Variants in BRINP3 observed in about 807,000 individuals in gnomAD.
BRINP3 encodes the protein BMP/retinoic acid inducible neural specific 3.
In BRINP3, 19 loss-of-function variants were observed where a neutral mutation model predicts 71.0. The ratio of observed to expected loss-of-function variants is 0.27; its 90% confidence interval spans 0.19 to 0.39. The LOEUF (loss-of-function observed/expected upper bound fraction) is 0.39. Ranked by LOEUF, BRINP3 falls within the 10% of genes least tolerant of loss-of-function variation. The pLI is 1.00. For synonymous variants in BRINP3, 380 were observed against 337.7 expected (o/e 1.13, Z -1.37); for missense variants, 959 against 940.8 (o/e 1.02, Z -0.25).
intron 7 of BRINP3, among the ~76,000 whole-genome samples, chr1:190,131,822 T>C (rs916267598): frequency 1.3e-5 from 2 of 152,090 alleles, no homozygotes; most frequent in African/African-American, 4.8e-5. Flanking sequence ...CTAGAAACTC[T>C]AAACTATAAC....
chr1:190,112,267 T>C (rs1313181419), intron 7 of BRINP3, among the ~76,000 whole-genome samples: 1 of 152,188 alleles, frequency 6.6e-6, no homozygotes, highest in Non-Finnish European at 1.5e-5. Context: ...TTTTAAAAAT[T>C]AAGTATGTGT....
chr1:190,100,515 G>A (rs1400877540), intron 7 of BRINP3, among the ~76,000 whole-genome samples: 3 of 152,086 alleles, frequency 2.0e-5, no homozygotes, highest in Non-Finnish European at 4.4e-5. Flanking sequence ...AAAATGCATG[G>A]ATTAGCCAAA....
chr1:190,362,761 T>C (rs906583556), intron 2 of BRINP3, among the ~76,000 whole-genome samples: 2 of 152,186 alleles, frequency 1.3e-5, no homozygotes, highest in African/African-American at 4.8e-5. Context: ...TCTCATTCTG[T>C]CTTGTCTGCT....
chr1:190,434,540 A>G (rs1226985042), intron 2 of BRINP3, among the ~76,000 whole-genome samples: 2 of 152,082 alleles, frequency 1.3e-5, no homozygotes, highest in African/African-American at 4.8e-5. Context: ...TATTTAGGTT[A>G]TAATGATAGG....
intron 2 of BRINP3, among the ~76,000 whole-genome samples, chr1:190,367,630 T>C (rs1179979750): frequency 6.6e-6 from 1 of 152,218 alleles, no homozygotes; most frequent in Non-Finnish European, 1.5e-5. Flanking sequence ...CAAACTTTTA[T>C]GCTATGCCTC....
rs375567534 is a variant in BRINP3 at position 190,265,007 on chromosome 1, C to T, written c.476G>A (p.Arg159Gln). ...IFVDKRKLSKRAEGSDSTTNS... is the reference protein window; with the variant it reads ...IFVDKRKLSKQAEGSDSTTNS... ...GGTGGTGGAATCACTTCCTTCAGCT[C>T]GTTTGCTCAACTTCCGCTTGTCCAC... Residue 159 changes from arginine (R) to glutamine (Q), a missense_variant, in exon 4 of 8, where the codon CGA (arginine) becomes CAA (glutamine). Transcript: ENST00000367462. 1 of 1,610,572 alleles carries T rather than the reference C, an allele frequency of 6.2e-7. No homozygotes were observed. The highest frequency in any genetic ancestry group is 8.5e-7 in the Non-Finnish European group (1 of 1,178,628).
rs142893311 is a variant in BRINP3 at position 190,291,244 on chromosome 1, G to A, written c.237-9494C>T. Among the ~76,000 whole-genome samples the A allele has an allele frequency of 4.0e-3, 613 of 152,110 alleles. 1 individual carries two copies. Among genetic ancestry groups the A allele is most frequent in the Admixed American group, 0.011 (172 of 15,248 alleles). On this transcript the variant is annotated intron_variant, in intron 2 of 7. Coordinates refer to ENST00000367462, the MANE Select transcript of BRINP3 (RefSeq NM_199051.3). ...GAATGATTAAAGAGGTTTATAATCAGTTACTTTAATAGGTGATATAGTATA... is the reference window on the plus strand; with the variant it reads ...GAATGATTAAAGAGGTTTATAATCAATTACTTTAATAGGTGATATAGTATA...
intron 6 of BRINP3, among the ~76,000 whole-genome samples, chr1:190,208,034 G>C (rs1485565503): frequency 6.6e-6 from 1 of 151,938 alleles, no homozygotes; most frequent in Middle Eastern, 3.4e-3. Context: ...TGCAACCTCC[G>C]CCTCCTGGGC....
Position 190,281,764 on chromosome 1 carries a change from T to G in BRINP3, c.237-14A>C. On this transcript the variant is annotated splice_polypyrimidine_tract_variant and intron_variant, in intron 2 of 7. Coordinates refer to ENST00000367462, the MANE Select transcript of BRINP3 (RefSeq NM_199051.3). ...CGGCCAAACTCCCTGAAAAGCAAATTTATTTTTATTCATAAATGCATAATC... is the reference window on the plus strand; with the variant it reads ...CGGCCAAACTCCCTGAAAAGCAAATGTATTTTTATTCATAAATGCATAATC... 3 of 1,599,548 alleles carry G rather than the reference T, an allele frequency of 1.9e-6. No individual in the cohort carries two copies. The highest frequency in any genetic ancestry group is 2.2e-5 in the East Asian group (1 of 44,662).
intron 2 of BRINP3, among the ~76,000 whole-genome samples, chr1:190,447,006 C>T (rs767120683): frequency 2.0e-5 from 3 of 151,766 alleles, no homozygotes; most frequent in Non-Finnish European, 4.4e-5. Flanking sequence ...TGAAAAAGTT[C>T]TGTCTTCCAT....
At chr1:190,444,346 G>T (rs2102576258) in intron 2 of BRINP3, among the ~76,000 whole-genome samples, 1 of 149,448 alleles carries the variant, frequency 6.7e-6, no homozygotes, top group East Asian at 2.0e-4. Flanking sequence ...TGTGTACAAA[G>T]GCTGTTTCCC....
chr1:190,422,005 C>A (rs150884229), intron 2 of BRINP3, among the ~76,000 whole-genome samples: 50 of 151,954 alleles, frequency 3.3e-4, no homozygotes, highest in Non-Finnish European at 6.9e-4. Context: ...AGAAGTATAG[C>A]TTTCCTGTCC....
intron 1 of BRINP3, among the ~76,000 whole-genome samples, chr1:190,464,276 A>T (rs1676592055): frequency 6.6e-6 from 1 of 151,948 alleles, no homozygotes; most frequent in African/African-American, 2.4e-5. Flanking sequence ...GTTTATTTGA[A>T]ATAGAAATCC....
At chr1:190,415,154 A>G (rs549337070) in intron 2 of BRINP3, among the ~76,000 whole-genome samples, 231 of 152,328 alleles carry the variant, frequency 1.5e-3, no homozygotes, top group Non-Finnish European at 2.8e-3. Flanking sequence ...AGGACACAGC[A>G]TCTTTCTTTT....
intron 4 of BRINP3, among the ~76,000 whole-genome samples, chr1:190,245,434 GC>G (rs1489814038): frequency 3.3e-5 from 5 of 151,572 alleles, no homozygotes; most frequent in African/African-American, 4.8e-5. Context: ...AATTCTAAGT[GC>G]CAGGGGAAAA....
chr1:190,276,896 C>T (rs1414911373), intron 3 of BRINP3, among the ~76,000 whole-genome samples: 1 of 149,426 alleles, frequency 6.7e-6, no homozygotes, highest in Non-Finnish European at 1.5e-5. Flanking sequence ...AAAGGACTTG[C>T]AAATGAAAAA....
At chr1:190,448,463 T>TGTGTG (rs1553324612) in intron 2 of BRINP3, among the ~76,000 whole-genome samples, 19,057 of 125,044 alleles carry the variant, frequency 0.15, 1,244 homozygotes, top group Middle Eastern at 0.2. Context: ...CACTTGGGGT[T>TGTGTG]TGTGTGTGTG....
chr1:190,183,971 C>T (rs1262812513), intron 6 of BRINP3, among the ~76,000 whole-genome samples: 1 of 151,996 alleles, frequency 6.6e-6, no homozygotes, highest in African/African-American at 2.4e-5. Flanking sequence ...GATTCTGTGC[C>T]TAGAGAGAGC....
chr1:190,190,038 T>C (rs1179162351), intron 6 of BRINP3, among the ~76,000 whole-genome samples: 1 of 152,164 alleles, frequency 6.6e-6, no homozygotes, highest in Non-Finnish European at 1.5e-5. Flanking sequence ...GAGTTCTGTC[T>C]GTGCTGAAGG....
Sources: allele counts gnomAD v4.1 joint callset (sites outside exome capture counted in the v4.1 genomes callset), GRCh38; gene constraint gnomAD v4.1.1; transcripts MANE v1.5; gene names NCBI Gene and HGNC (gene_info 2026-07-23, HGNC 2026-07-21).